The following GALP variants were observed in gnomAD, a reference collection of about 807,000 sequenced individuals.
The protein encoded by GALP is galanin like peptide, also known as galanin-like peptide.
In GALP, 12 loss-of-function variants were observed where a neutral mutation model predicts 15.2. That is an observed-to-expected ratio of 0.79 (90% CI 0.51 to 1.28). The LOEUF (loss-of-function observed/expected upper bound fraction) is 1.28. GALP is among the 50% of genes most tolerant of loss of function. GALP has a pLI of 0.00. For missense variants in GALP, 161 were observed against 145.6 expected, an observed-to-expected ratio of 1.11 and a Z score of -0.55; for synonymous variants, 58 against 55.1, an observed-to-expected ratio of 1.05 and a Z score of -0.23.
intron 4 of GALP, 54 bp downstream of exon 4, chr19:56,182,306 C>T (rs1416421126): frequency 1.4e-5 from 20 of 1,380,074 alleles, no homozygotes; most frequent in Non-Finnish European, 2.1e-5. Context: ...TGCGGGCTCT[C>T]TCCTGGCTTT....
At position 56,182,265 on chromosome 19, in the gene GALP, G is replaced by A; in HGVS notation, c.217+13G>A. The A allele has an allele frequency of 2.5e-6, 4 of 1,596,124 alleles. No homozygotes were observed. The highest frequency in any genetic ancestry group is 3.4e-6 in the Non-Finnish European group (4 of 1,163,660). ...TGGAAGGCCATCGGTGAGTGAGCGG[G>A]GAGTTAGACGTCTTCTCCTGCGTCC... On this transcript the variant is annotated intron_variant, in intron 4 of 5. Coordinates refer to ENST00000357330, the MANE Select transcript of GALP (RefSeq NM_033106.4).
intron 4 of GALP, among the ~76,000 whole-genome samples, chr19:56,182,890 T>C (rs1036204490): frequency 2.0e-5 from 3 of 152,126 alleles, no homozygotes; most frequent in African/African-American, 4.8e-5. Flanking sequence ...TGGGGGTACA[T>C]GTGCAGGTTT....
intron 3 of GALP, among the ~76,000 whole-genome samples, chr19:56,180,889 CTCTTTCTTTCTT>C (rs1215077294): frequency 9.9e-5 from 10 of 101,014 alleles, no homozygotes; most frequent in African/African-American, 2.4e-4. Context: ...CGCTCTCTCA[CTCTTTCTTTCTT>C]TCTTTCTTTC....
intron 2 of GALP, 53 bp from the exon 3 acceptor site, chr19:56,180,533 C>G: frequency 8.7e-6 from 13 of 1,502,454 alleles, no homozygotes; most frequent in Non-Finnish European, 1.1e-5. Flanking sequence ...ACCTGTGGGA[C>G]GCCTGCCCCG....
In GALP at chr19:56,177,198, A is replaced by AC. The variant is rs1301435434; in HGVS notation, c.87+3_87+4insC. The stretch of plus-strand genomic sequence containing the variant: ...CAGCATCCGCACCTGCCCACCGGGT[A>AC]ACGCCTCCCTAAGTTCCTCGGAAAC... On this transcript the variant is annotated splice_donor_region_variant and intron_variant, in intron 2 of 5. Transcript: ENST00000357330. The AC allele has an allele frequency of 6.2e-6, 10 of 1,611,982 alleles. No homozygotes were observed. Among genetic ancestry groups the AC allele is most frequent in the African/African-American group, 2.7e-5 (2 of 74,942 alleles).
At chr19:56,181,547 C>T (rs75410884) in intron 3 of GALP, among the ~76,000 whole-genome samples, 11,413 of 151,560 alleles carry the variant, frequency 0.075, 577 homozygotes, top group East Asian at 0.19. Flanking sequence ...TGGGATTACA[C>T]GCATGCACCA....
At chr19:56,182,394 C>T in intron 4 of GALP, 142 bp downstream of exon 4, 1 of 601,612 alleles carries the variant, frequency 1.7e-6, no homozygotes, top group East Asian at 2.9e-5. Context: ...GATGCGTTTC[C>T]TTCAAGCTTC....
intron 1 of GALP, among the ~76,000 whole-genome samples, chr19:56,176,643 T>C (rs111647899): frequency 5.0e-3 from 492 of 97,986 alleles, no homozygotes; most frequent in South Asian, 6.9e-3. Flanking sequence ...GGCAGAGGGG[T>C]GGATCCAAGC....
chr19:56,180,734 C>T lies in GALP; in HGVS notation c.136+100C>T, dbSNP rs1045247139. 7 of 894,894 alleles carry T rather than the reference C, an allele frequency of 7.8e-6. No individual in the cohort carries two copies. The East Asian group carries it at 1.8e-4, about 22-fold the overall frequency. The allele number at this position is 894,894 out of a possible 1,614,324, so 55.4% of individuals were successfully genotyped here. On this transcript the variant is annotated intron_variant, in intron 3 of 5. Coordinates refer to ENST00000357330, the MANE Select transcript of GALP (RefSeq NM_033106.4). ...TTGTAAAGACCCTCACCCACATTCA[C>T]TGAGGCCCATGGATTTATTTGCAGA...
At chr19:56,184,204 C>T (rs2032616233) in intron 5 of GALP, among the ~76,000 whole-genome samples, 1 of 152,170 alleles carries the variant, frequency 6.6e-6, no homozygotes. Context: ...GATCTGCCCG[C>T]CTTGGCCTCC....
chr19:56,180,878 T>G (rs1301781641), intron 3 of GALP, among the ~76,000 whole-genome samples: 3 of 149,746 alleles, frequency 2.0e-5, no homozygotes, highest in African/African-American at 7.3e-5. Flanking sequence ...TCTCTCTCTC[T>G]CGCTCTCTCA....
In GALP at chr19:56,176,287, G is replaced by C. The variant is rs12979451; in HGVS notation, c.-40+225G>C. On this transcript the variant is annotated intron_variant, in intron 1 of 5. Coordinates refer to ENST00000357330, the MANE Select transcript of GALP (RefSeq NM_033106.4). ...GGTGAGAGCCTAGGCCAGGAGGGCA[G>C]AGGGGCGGATCCCAGCTGCACCGGG... Among the ~76,000 whole-genome samples, 150 of 120,562 alleles carry C rather than the reference G, an allele frequency of 1.2e-3. 1 individual carries two copies. The highest frequency in any genetic ancestry group is 2.5e-3 in the African/African-American group (71 of 28,582). The allele number at this position is 120,562 out of a possible 152,430, so 79.1% of individuals were successfully genotyped here. A position where few individuals can be genotyped will look rare whatever the true frequency, so the allele number is the denominator to read the frequency against.
chr19:56,178,965 A>G (rs1001866811), intron 2 of GALP, among the ~76,000 whole-genome samples: 3 of 152,210 alleles, frequency 2.0e-5, no homozygotes, highest in Non-Finnish European at 4.4e-5. Flanking sequence ...ACCTGAGGTC[A>G]GGAGTTTGAG....
At chr19:56,182,619 T>C (rs1054612159) in intron 4 of GALP, among the ~76,000 whole-genome samples, 1 of 152,146 alleles carries the variant, frequency 6.6e-6, no homozygotes, top group African/African-American at 2.4e-5. Flanking sequence ...GTCTGGCATA[T>C]GGTAGAAATG....
intron 2 of GALP, among the ~76,000 whole-genome samples, chr19:56,178,527 A>C (rs1015880491): frequency 6.9e-5 from 10 of 144,004 alleles, no homozygotes; most frequent in African/African-American, 2.2e-4. Context: ...ACAACAAAAA[A>C]AAAAAAAAAA....
chr19:56,183,789 G>A (rs530381098), intron 5 of GALP, among the ~76,000 whole-genome samples: 8 of 151,676 alleles, frequency 5.3e-5, no homozygotes, highest in East Asian at 3.9e-4. Context: ...GTAGAGACGG[G>A]GTTTCACCAT....
intron 5 of GALP, 146 bp downstream of exon 5, chr19:56,183,358 G>A (rs928778723): frequency 4.5e-6 from 3 of 669,160 alleles, no homozygotes; most frequent in South Asian, 3.5e-5. Flanking sequence ...CCACTACCCC[G>A]ACCACTCAGC....
intron 4 of GALP, 122 bp from the exon 5 acceptor site, chr19:56,183,013 T>G: frequency 1.7e-6 from 1 of 598,488 alleles, no homozygotes; most frequent in Admixed American, 2.3e-5. Context: ...CTCCTCCCCC[T>G]GCTCCACCCT....
At chr19:56,180,473 C>T in intron 2 of GALP, 113 bp from the exon 3 acceptor site, 1 of 847,426 alleles carries the variant, frequency 1.2e-6, no homozygotes, top group Non-Finnish European at 2.0e-6. Flanking sequence ...TGAAATGAAC[C>T]TGCTCCACAG....
Sources: gnomAD v4.1 joint callset for allele counts (sites outside exome capture counted in the v4.1 genomes callset) on GRCh38, gnomAD v4.1.1 for gene constraint, MANE v1.5 for transcripts, NCBI Gene and HGNC (gene_info 2026-07-23, HGNC 2026-07-21) for gene names.